ACTN3: variants seen among roughly 807,000 people sequenced by gnomAD.
ACTN3 encodes actinin alpha 3.
Under a neutral mutation model 119.6 loss-of-function variants are expected in ACTN3, and 91 were observed. The observed-to-expected ratio is 0.76, with a 90% confidence interval of 0.64 to 0.91. ACTN3 has a LOEUF of 0.91. ACTN3 is among the 40% of genes least tolerant of loss of function. The pLI is 0.00. For synonymous variants in ACTN3, 456 were observed against 478.8 expected (o/e 0.95, Z 0.62); for missense variants, 1,221 against 1,215.1 (o/e 1.00, Z -0.07).
chr11:66,551,804 G>A lies in ACTN3; in HGVS notation c.382+157G>A, dbSNP rs1043563901. 1.6e-5 allele frequency: 11 copies of A among 677,762 alleles called. No individual in the cohort carries two copies. In the Admixed American group the frequency reaches 4.4e-4, roughly 27 times the overall value. The allele number at this position is 677,762 out of a possible 1,614,324, so 42.0% of individuals were successfully genotyped here. On this transcript the variant is annotated intron_variant, in intron 3 of 20. Coordinates refer to ENST00000513398, the MANE Select transcript of ACTN3 (RefSeq NM_001104.4). ...AAGAGCCAGTATGCCAGCCAGGCAC[G>A]GTGGCTCACGCCTGTAATCTCGGCA...
Position 66,563,151 on chromosome 11 carries a change from C to A in ACTN3, c.2664C>A (p.Tyr888Ter). 1 of 1,613,058 alleles carries A rather than the reference C, an allele frequency of 6.2e-7. No homozygotes were observed. The highest frequency in any genetic ancestry group is 8.5e-7 in the Non-Finnish European group (1 of 1,179,530). The change falls in exon 21 of 21, where the codon TAC (tyrosine) becomes TAA (stop). Residue 888 changes from tyrosine (Y) to a stop codon, truncating the protein, a stop_gained. Coordinates refer to ENST00000513398, the MANE Select transcript of ACTN3 (RefSeq NM_001104.4). LOFTEE classifies it high-confidence loss of function. ...GSGAPAGALD[Y>*]VAFSSALYGE... The stretch of plus-strand genomic sequence containing the variant: ...GGGCCCCGGCTGGAGCCCTGGACTA[C>A]GTGGCCTTCTCCAGTGCCCTCTATG...
In ACTN3 at chr11:66,551,548, G is replaced by A; in HGVS notation, c.283G>A (p.Asp95Asn). The A allele has an allele frequency of 6.2e-7, 1 of 1,614,016 alleles. No individual in the cohort carries two copies. ...CCCAGGTGAGAGGCTGCCTAGGCCA[G>A]ATAAAGGCAAGATGCGCTTCCACAA... ...VISGERLPRPDKGKMRFHKIA... is the reference protein window; with the variant it reads ...VISGERLPRPNKGKMRFHKIA... The change falls in exon 3 of 21, where the codon GAT becomes AAT. Residue 95 changes from aspartate (D) to asparagine (N), a missense_variant. Physicochemically the swap from Asp to Asn is conservative, Grantham distance 23. Transcript: ENST00000513398.
chr11:66,560,877 T>C, intron 15 of ACTN3, 122 bp downstream of exon 15: 1 of 1,101,834 alleles, frequency 9.1e-7, no homozygotes, highest in Non-Finnish European at 1.3e-6. Context: ...TGCCACAGAC[T>C]CCACGTGGGA....
chr11:66,555,488 C>A, intron 7 of ACTN3, 121 bp downstream of exon 7: 1 of 960,956 alleles, frequency 1.0e-6, no homozygotes, highest in South Asian at 1.5e-5. Context: ...CCACCCCACT[C>A]CCTGGTCACA....
At position 66,557,906 on chromosome 11, in the gene ACTN3, C is replaced by A; in HGVS notation, c.1105C>A (p.Pro369Thr). ...LRLSHRPAFMPSEGKLVSDIA... is the reference protein window; with the variant it reads ...LRLSHRPAFMTSEGKLVSDIA... ...GCTCAGCCACCGGCCTGCCTTCATG[C>A]CCTCCGAGGGCAAGCTGGTCTCGGT... The change falls in exon 10 of 21, where the codon CCC (proline) becomes ACC (threonine). Residue 369 changes from proline to threonine, a missense_variant. Pro to Thr is a conservative substitution (Grantham distance 38, BLOSUM62 -1). Transcript: ENST00000513398. The A allele has an allele frequency of 4.3e-6, 7 of 1,613,942 alleles. No homozygotes were observed. Among genetic ancestry groups the A allele is most frequent in the Non-Finnish European group, 4.2e-6 (5 of 1,179,930 alleles).
intron 19 of ACTN3, 34 bp downstream of exon 19, chr11:66,562,356 A>T (rs866496565): frequency 6.2e-7 from 1 of 1,606,492 alleles, no homozygotes; most frequent in Non-Finnish European, 8.5e-7. Flanking sequence ...CAGGAGTCCC[A>T]AAGTACCCCC....
rs756985850 is a variant in ACTN3, at chr11:66,546,973, C to T, written c.36C>T (p.Ala12=). The part of the protein sequence containing the change: ...MMVMQPEGLG[A]GEGRFAGGGG... ...TTATGCAGCCCGAGGGTCTGGGGGCCGGGGAGGGGCGCTTTGCGGGCGGCG... is the reference window on the plus strand; with the variant it reads ...TTATGCAGCCCGAGGGTCTGGGGGCTGGGGAGGGGCGCTTTGCGGGCGGCG... Residue 12 remains alanine, a synonymous_variant, in exon 1 of 21, where the codon GCC becomes GCT. Transcript: ENST00000513398. 3 of 1,521,964 alleles carry T rather than the reference C, an allele frequency of 2.0e-6. No homozygotes were observed. The highest frequency in any genetic ancestry group is 1.4e-5 in the African/African-American group (1 of 71,938). 94.3% of individuals were successfully genotyped at this position (1,521,964 alleles called of 1,614,324 possible).
Position 66,561,551 on chromosome 11 carries a change from A to G in ACTN3, c.2089A>G (p.Thr697Ala). The G allele has an allele frequency of 1.2e-6, 2 of 1,612,400 alleles. No individual in the cohort carries two copies. Among genetic ancestry groups the G allele is most frequent in the African/African-American group, 1.3e-5 (1 of 75,012 alleles). Residue 697 changes from threonine to alanine, a missense_variant, in exon 17 of 21, where the codon ACT becomes GCT. Coordinates refer to ENST00000513398, the MANE Select transcript of ACTN3 (RefSeq NM_001104.4). Reference protein sequence around the residue: ...QQEQNIINYKTNIDRLEGDHQ... With the variant: ...QQEQNIINYKANIDRLEGDHQ... ...GGAGCAGAACATTATCAACTACAAG[A>G]CTAACATTGACCGGCTGGAGGGTGA...
chr11:66,563,215 A>G lies in ACTN3; in HGVS notation c.*22A>G, dbSNP rs372103863. On this transcript the variant is annotated 3_prime_UTR_variant, in exon 21 of 21. Transcript: ENST00000513398. ...TTGACCCCAACCACTGAGGTTCTCT[A>G]TGCAAGATGGAGAGAGGATGCACCC... 35 of 1,579,128 alleles carry G rather than the reference A, an allele frequency of 2.2e-5. No homozygotes were observed. Among genetic ancestry groups the G allele is most frequent in the Non-Finnish European group, 2.8e-5 (32 of 1,159,120 alleles).
intron 1 of ACTN3, chr11:66,550,981 T>C (rs1857456214): frequency 1.6e-6 from 1 of 613,696 alleles, no homozygotes; most frequent in Admixed American, 2.1e-5. Flanking sequence ...AAGGCTGGGG[T>C]GCTGGTGGCC....
intron 8 of ACTN3, 97 bp downstream of exon 8, chr11:66,556,327 A>C (rs1857589627): frequency 2.5e-6 from 3 of 1,204,048 alleles, no homozygotes; most frequent in Non-Finnish European, 3.6e-6. Context: ...CGGAGGTTGG[A>C]GTGCCACTGT....
At chr11:66,550,919 C>T (rs1473966207) in intron 1 of ACTN3, 5 of 426,344 alleles carry the variant, frequency 1.2e-5, no homozygotes, top group Non-Finnish European at 1.8e-5. Context: ...GAGGGCCCCA[C>T]ATTTTGAATG....
chr11:66,562,045 G>T lies in ACTN3; in HGVS notation c.2199G>T (p.Gln733His). 6.2e-7 allele frequency: 1 copy of T among 1,612,428 alleles called. No homozygotes were observed. Among genetic ancestry groups the T allele is most frequent in the Non-Finnish European group, 8.5e-7 (1 of 1,179,356 alleles). Reference sequence around the variant, plus strand: ...AGCACATCCGCGTGGGCTGGGAGCAGCTGCTCACCTCCATTGCCCGCACCA... The same window carrying T: ...AGCACATCCGCGTGGGCTGGGAGCATCTGCTCACCTCCATTGCCCGCACCA... ...SMEHIRVGWE[Q>H]LLTSIARTIN... The change falls in exon 18 of 21, where the codon CAG becomes CAT. Residue 733 changes from glutamine (Q) to histidine (H), a missense_variant. This residue lies in a region of ACTN3 where 934 missense variants were observed against 899.9 expected (regional missense o/e 1.04). Transcript: ENST00000513398.
In ACTN3 at chr11:66,562,850, G is replaced by T; in HGVS notation, c.2443G>T (p.Val815Leu). The change falls in exon 20 of 21, where the codon GTG becomes TTG. Residue 815 changes from valine (V) to leucine (L), a missense_variant. This residue lies in a region of ACTN3 where 934 missense variants were observed against 899.9 expected (regional missense o/e 1.04). Coordinates refer to ENST00000513398, the MANE Select transcript of ACTN3 (RefSeq NM_001104.4). Reference protein sequence around the residue: ...MTMVDPNAAGVVTFQAFIDFM... With the variant: ...MTMVDPNAAGLVTFQAFIDFM... ...CATGGTGGACCCCAACGCAGCTGGG[G>T]TGGTGACCTTCCAGGCCTTCATAGA... 2.5e-6 allele frequency: 4 copies of T among 1,613,886 alleles called. No individual in the cohort carries two copies. Among genetic ancestry groups the T allele is most frequent in the Non-Finnish European group, 3.4e-6 (4 of 1,179,838 alleles).
At chr11:66,546,522 G>T (rs758171368), upstream of ACTN3, 9 of 1,535,456 alleles carry the variant, frequency 5.9e-6, no homozygotes, top group Non-Finnish European at 7.8e-6. Flanking sequence ...TGGGGATAGG[G>T]CTCTGTGTCC....
intron 1 of ACTN3, among the ~76,000 whole-genome samples, chr11:66,548,375 G>A (rs756078183): frequency 6.1e-5 from 9 of 148,252 alleles, no homozygotes; most frequent in African/African-American, 1.2e-4. Flanking sequence ...CCACCCACCC[G>A]GGCCTCTCCG....
At chr11:66,561,808 C>G in intron 17 of ACTN3, 171 bp downstream of exon 17, 1 of 548,652 alleles carries the variant, frequency 1.8e-6, no homozygotes, top group Non-Finnish European at 2.3e-6. Context: ...CAAAGCCGTC[C>G]AAAACCAGGC....
In ACTN3 at chr11:66,556,231, G is replaced by T; in HGVS notation, c.804+1G>T. The stretch of plus-strand genomic sequence containing the variant: ...CCATGCCTTTGCCGGGGCTGAGCAG[G>T]TAAGGCGGCCCAACTGCTGCTGCCT... On this transcript the variant is annotated splice_donor_variant, in intron 8 of 20. Transcript: ENST00000513398. LOFTEE classifies it high-confidence loss of function. 6.2e-7 allele frequency: 1 copy of T among 1,613,426 alleles called. No individual in the cohort carries two copies. The highest frequency in any genetic ancestry group is 1.1e-5 in the South Asian group (1 of 90,992).
intron 1 of ACTN3, among the ~76,000 whole-genome samples, chr11:66,547,446 A>G (rs1319059460): frequency 6.6e-6 from 1 of 152,050 alleles, no homozygotes; most frequent in African/African-American, 2.4e-5. Context: ...CCCAGACCCC[A>G]CCCTGAAGGC....
Sources: allele counts gnomAD v4.1 joint callset (sites outside exome capture counted in the v4.1 genomes callset), GRCh38; gene constraint gnomAD v4.1.1; regional missense constraint gnomAD v4.1.1; transcripts MANE v1.5; gene names NCBI Gene and HGNC (gene_info 2026-07-23, HGNC 2026-07-21).